Variants in NCOR2 observed in about 807,000 individuals in gnomAD.
NCOR2 encodes the protein nuclear receptor corepressor 2, also known as CTG repeat protein 26.
In NCOR2, 81 loss-of-function variants were observed where a neutral mutation model predicts 262.9. The observed-to-expected ratio is 0.31, with a 90% CI of 0.26 to 0.37. The LOEUF (loss-of-function observed/expected upper bound fraction) is 0.37. Among genes scored for constraint, NCOR2 ranks in the 10% least tolerant of loss-of-function variants. The probability of loss-of-function intolerance (pLI) is 1.00; values close to 1 mark genes in which losing one functional copy is unlikely to be tolerated. For missense variants in NCOR2, 3,385 were observed against 3,621.4 expected (o/e 0.93, Z 1.68); for synonymous variants, 1,659 against 1,559.3 (o/e 1.06, Z -1.51).
chr12:124,565,017 T>G (rs2052189516), intron 1 of NCOR2, among the ~76,000 whole-genome samples: 2 of 150,634 alleles, frequency 1.3e-5, no homozygotes, highest in South Asian at 4.2e-4. Context: ...GGAGGTGGCA[T>G]GAGTATTATT....
chr12:124,354,214 T>C lies in NCOR2; in HGVS notation c.3590-18A>G. 1.3e-6 allele frequency: 2 copies of C among 1,575,456 alleles called. No homozygotes were observed. The highest frequency in any genetic ancestry group is 4.7e-5 in the East Asian group (2 of 42,966). On this transcript the variant is annotated intron_variant, in intron 26 of 46. Coordinates refer to ENST00000405201, the Ensembl canonical transcript of NCOR2. ...AGCTGTCCCTGGAAGACACAAGATG[T>C]GGGGCTGAGGGCGTGTCTGTGGCCC...
chr12:124,438,784 G>C lies in NCOR2; in HGVS notation c.816-788C>G, dbSNP rs1175627619. On this transcript the variant is annotated intron_variant, in intron 7 of 46. Coordinates refer to ENST00000405201, the Ensembl canonical transcript of NCOR2. ...AGACAGAGACCCAGAGAGACAGAGA[G>C]AGAGAGAGAGAGAGAGAGAGAGAGA... Among the ~76,000 whole-genome samples the C allele has an allele frequency of 3.3e-4, 38 of 114,774 alleles. 1 individual carries two copies. The highest frequency in any genetic ancestry group is 1.1e-3 in the African/African-American group (36 of 33,084). The allele number at this position is 114,774 out of a possible 152,430, so 75.3% of individuals were successfully genotyped here.
chr12:124,402,139 A>G (rs2042016815), intron 14 of NCOR2, among the ~76,000 whole-genome samples: 1 of 152,182 alleles, frequency 6.6e-6, no homozygotes, highest in Non-Finnish European at 1.5e-5. Context: ...TGGAGCTCAA[A>G]TGAGCTATCA....
At chr12:124,506,769 G>A (rs148544195) in intron 1 of NCOR2, among the ~76,000 whole-genome samples, 191 of 152,316 alleles carry the variant, frequency 1.3e-3, no homozygotes, top group African/African-American at 4.5e-3. Context: ...AGTCAGAGAG[G>A]AGGCTGGTGT....
chr12:124,516,848 C>G (rs968920540), intron 1 of NCOR2, among the ~76,000 whole-genome samples: 20 of 152,182 alleles, frequency 1.3e-4, no homozygotes, highest in African/African-American at 4.8e-4. Flanking sequence ...AACAAAGTGC[C>G]AGTGAATTAT....
intron 7 of NCOR2, among the ~76,000 whole-genome samples, chr12:124,447,831 G>A (rs1162028334): frequency 6.6e-6 from 1 of 151,814 alleles, no homozygotes; most frequent in Non-Finnish European, 1.5e-5. Flanking sequence ...TGAGTACCTG[G>A]GACCACAGGC....
At chr12:124,441,925 CAAAAGTGCTGGGGTGGTG>C (rs1484870598) in intron 7 of NCOR2, among the ~76,000 whole-genome samples, 1 of 152,198 alleles carries the variant, frequency 6.6e-6, no homozygotes, top group Non-Finnish European at 1.5e-5. Context: ...CAGTGATCTT[CAAAAGTGCTGGGGTGGTG>C]AAAAACAAGG....
At chr12:124,415,848 G>T (rs1410681068) in intron 13 of NCOR2, among the ~76,000 whole-genome samples, 1 of 152,050 alleles carries the variant, frequency 6.6e-6, no homozygotes, top group Admixed American at 6.6e-5. Context: ...CCCCAGCCTG[G>T]CCCCAGACAT....
At chr12:124,477,305 C>G (rs2047155470) in intron 3 of NCOR2, among the ~76,000 whole-genome samples, 1 of 152,238 alleles carries the variant, frequency 6.6e-6, no homozygotes, top group South Asian at 2.1e-4. Context: ...TTTTGCTCAG[C>G]ACTTCTTGCT....
At chr12:124,379,506 C>T (rs946046258) in intron 17 of NCOR2, among the ~76,000 whole-genome samples, 3 of 152,194 alleles carry the variant, frequency 2.0e-5, no homozygotes, top group African/African-American at 4.8e-5. Context: ...GGCAGCATCT[C>T]GAAGTGACTG....
intron 7 of NCOR2, among the ~76,000 whole-genome samples, chr12:124,446,235 C>G (rs548565130): frequency 6.6e-6 from 1 of 152,306 alleles, no homozygotes; most frequent in East Asian, 1.9e-4. Flanking sequence ...AGGGTGCTCA[C>G]TACCTACCTC....
intron 1 of NCOR2, among the ~76,000 whole-genome samples, chr12:124,556,675 C>CA (rs2051892096): frequency 6.6e-6 from 1 of 152,288 alleles, no homozygotes; most frequent in African/African-American, 2.4e-5. Context: ...GCCTGGCCAA[C>CA]ATGGCAAAAC....
intron 43 of NCOR2, 126 bp from the exon 46 acceptor site, chr12:124,331,024 C>A: frequency 8.2e-6 from 7 of 851,256 alleles, no homozygotes; most frequent in Non-Finnish European, 1.1e-5. Context: ...TGCAGGTTCT[C>A]ATGCAGCAGG....
intron 17 of NCOR2, among the ~76,000 whole-genome samples, chr12:124,384,378 T>C (rs1365474218): frequency 6.6e-6 from 1 of 152,230 alleles, no homozygotes; most frequent in African/African-American, 2.4e-5. Context: ...AGGCGCTGCC[T>C]GAAGCCCTGA....
chr12:124,547,970 TACAG>T (rs1199358847), intron 1 of NCOR2, among the ~76,000 whole-genome samples: 1 of 152,190 alleles, frequency 6.6e-6, no homozygotes, highest in African/African-American at 2.4e-5. Context: ...TAAATACACA[TACAG>T]AATGAGATAT....
At chr12:124,419,970 C>T (rs1364557381) in exon 13 of NCOR2, 3 of 1,613,800 alleles carry the variant, frequency 1.9e-6, no homozygotes, top group Non-Finnish European at 2.5e-6. Context: ...GCTCTTGCCG[C>T]GGCGCCGATA....
At chr12:124,391,360 G>A (rs1420830855) in intron 16 of NCOR2, among the ~76,000 whole-genome samples, 2 of 151,508 alleles carry the variant, frequency 1.3e-5, no homozygotes, top group Non-Finnish European at 2.9e-5. Context: ...GGGGTGCATC[G>A]ACCACCGCCC....
At chr12:124,353,039 G>T (rs533420967) in intron 27 of NCOR2, among the ~76,000 whole-genome samples, 3 of 152,216 alleles carry the variant, frequency 2.0e-5, no homozygotes, top group Non-Finnish European at 2.9e-5. Context: ...GAGACTGCAC[G>T]GAAGTTTGAC....
chr12:124,337,535 C>T (rs1566360809), intron 37 of NCOR2, among the ~76,000 whole-genome samples: 1 of 152,232 alleles, frequency 6.6e-6, no homozygotes, highest in Non-Finnish European at 1.5e-5. Context: ...CTCTACAGAG[C>T]CTGGTAACTG....
Sources: gnomAD v4.1 joint callset for allele counts (sites outside exome capture counted in the v4.1 genomes callset) on GRCh38, gnomAD v4.1.1 for gene constraint, MANE v1.5 for transcripts, NCBI Gene and HGNC (gene_info 2026-07-23, HGNC 2026-07-21) for gene names.